Variants in DHRSX observed in about 807,000 individuals in gnomAD.
DHRSX encodes the protein polyprenol dehydrogenase.
In DHRSX, 31 loss-of-function variants were observed where a neutral mutation model predicts 34.0. That is an observed-to-expected ratio of 0.91 (90% CI 0.69 to 1.23). DHRSX has a LOEUF of 1.23. Ranked by LOEUF, DHRSX falls within the 50% of genes most tolerant of loss-of-function variation. DHRSX has a pLI of 0.00. For synonymous variants in DHRSX, 201 were observed against 183.8 expected, an observed-to-expected ratio of 1.09 and a Z score of -0.76; for missense variants, 414 against 428.1, an observed-to-expected ratio of 0.97 and a Z score of 0.29.
chrX:2,236,345 G>A (rs763536639), intron 6 of DHRSX, among the ~76,000 whole-genome samples: 33 of 152,296 alleles, frequency 2.2e-4, no homozygotes, highest in African/African-American at 7.2e-4. Flanking sequence ...AAGGGCGTGC[G>A]TGGAGGAGGA....
chrX:2,469,374 G>T (rs1280649427), intron 1 of DHRSX, among the ~76,000 whole-genome samples: 2 of 149,760 alleles, frequency 1.3e-5, no homozygotes, highest in Admixed American at 6.7e-5. Context: ...CCAAGGGACC[G>T]CCGCCATGTA....
rs2015500183 is a variant in DHRSX at position 2,220,680 on chromosome X, C to A, written c.*361G>T. ...ATCCACCACTAGGTCTCAGAGAGGACATTGCAGCCCCTGAAAAGAGAGCAT... is the reference window on the plus strand; with the variant it reads ...ATCCACCACTAGGTCTCAGAGAGGAAATTGCAGCCCCTGAAAAGAGAGCAT... On this transcript the variant is annotated 3_prime_UTR_variant, in exon 7 of 7. Transcript: ENST00000334651. 4 of 230,272 alleles carry A rather than the reference C, an allele frequency of 1.7e-5. No individual in the cohort carries two copies. Among genetic ancestry groups the A allele is most frequent in the African/African-American group, 8.9e-5 (4 of 44,776 alleles). The allele number at this position is 230,272 out of a possible 1,614,324, so 14.3% of individuals were successfully genotyped here. A position where few individuals can be genotyped will look rare whatever the true frequency, so the allele number is the denominator to read the frequency against.
intron 3 of DHRSX, among the ~76,000 whole-genome samples, chrX:2,310,681 CAGAG>C (rs1188124940): frequency 4.0e-5 from 6 of 150,788 alleles, no homozygotes; most frequent in African/African-American, 1.5e-4. Context: ...AAGAGAGAGA[CAGAG>C]GGAGGAAAGA....
Position 2,302,001 on chromosome X carries a change from G to A in DHRSX, c.287-10398C>T, listed in dbSNP as rs751858720. ...GTCCCGGGTCCCCAGAACAGAGGTG[G>A]ACATGGCTCCGATATCACAAGAACT... On this transcript the variant is annotated intron_variant, in intron 3 of 6. Coordinates refer to ENST00000334651, the MANE Select transcript of DHRSX (RefSeq NM_145177.3). 1.4e-4 allele frequency among the ~76,000 whole-genome samples: 22 copies of A among 152,206 alleles called. No homozygotes were observed. In the South Asian group the frequency reaches 4.4e-3, roughly 30 times the overall value.
intron 2 of DHRSX, among the ~76,000 whole-genome samples, chrX:2,412,359 C>G (rs2043641846): frequency 6.6e-6 from 1 of 152,196 alleles, no homozygotes; most frequent in Non-Finnish European, 1.5e-5. Flanking sequence ...GCTGGGATGA[C>G]AGACATGAGC....
intron 5 of DHRSX, among the ~76,000 whole-genome samples, chrX:2,258,319 A>G (rs914924267): frequency 2.0e-5 from 3 of 152,088 alleles, no homozygotes; most frequent in African/African-American, 7.2e-5. Flanking sequence ...TGGCGTCTAC[A>G]AGTCCAGCAG....
At chrX:2,256,015 CTTT>C (rs768032121) in intron 5 of DHRSX, among the ~76,000 whole-genome samples, 5 of 139,950 alleles carry the variant, frequency 3.6e-5, no homozygotes, top group Admixed American at 7.2e-5. Flanking sequence ...ATGTGTCCCT[CTTT>C]TTTTTTTTTT....
intron 6 of DHRSX, among the ~76,000 whole-genome samples, chrX:2,236,495 G>T (rs753362185): frequency 6.6e-6 from 1 of 152,172 alleles, no homozygotes; most frequent in East Asian, 1.9e-4. Flanking sequence ...GCAGTGGCGC[G>T]ATCTCGGCTC....
intron 1 of DHRSX, among the ~76,000 whole-genome samples, chrX:2,482,523 C>T (rs1300070035): frequency 1.3e-5 from 2 of 152,162 alleles, no homozygotes; most frequent in Non-Finnish European, 2.9e-5. Context: ...CCTCAGCCTC[C>T]CAAAGTGCTG....
At chrX:2,252,596 A>G (rs755406682) in intron 5 of DHRSX, among the ~76,000 whole-genome samples, 11 of 152,310 alleles carry the variant, frequency 7.2e-5, no homozygotes, top group Non-Finnish European at 5.9e-5. Context: ...AGATTTTTCC[A>G]GAGTAAATGG....
intron 3 of DHRSX, among the ~76,000 whole-genome samples, chrX:2,377,348 C>CG (rs1050668200): frequency 1.3e-5 from 2 of 151,580 alleles, no homozygotes; most frequent in African/African-American, 4.8e-5. Flanking sequence ...TGGTCCCATC[C>CG]GGGGGGTGAT....
intron 3 of DHRSX, among the ~76,000 whole-genome samples, chrX:2,349,808 G>A (rs113538333): frequency 0.58 from 87,364 of 150,936 alleles, 26,377 homozygotes; most frequent in African/African-American, 0.76. Flanking sequence ...TTGGGAGGCC[G>A]AGGCGGGCGG....
chrX:2,252,618 C>T (rs186873709), intron 5 of DHRSX, among the ~76,000 whole-genome samples: 1 of 152,208 alleles, frequency 6.6e-6, no homozygotes, highest in Non-Finnish European at 1.5e-5. Context: ...GGGGTTGGTT[C>T]TGTAATTATG....
Position 2,471,194 on chromosome X carries a change from T to TCTTC in DHRSX, c.109+29622_109+29623insGAAG, listed in dbSNP as rs1196710343. On this transcript the variant is annotated intron_variant, in intron 1 of 6. Coordinates refer to ENST00000334651, the MANE Select transcript of DHRSX (RefSeq NM_145177.3). Reference sequence around the variant, plus strand: ...CTGTGACATATTTAACAGTGTTTCCTCTTAATTCAACACCCTTTATATGAC... The same window carrying TCTTC: ...CTGTGACATATTTAACAGTGTTTCCTCTTCCTTAATTCAACACCCTTTATATGAC... Among the ~76,000 whole-genome samples, 4 of 152,302 alleles carry TCTTC rather than the reference T, an allele frequency of 2.6e-5. No individual in the cohort carries two copies. The East Asian group carries it at 7.7e-4, about 29-fold the overall frequency.
chrX:2,258,795 G>C (rs2041315523), intron 5 of DHRSX, among the ~76,000 whole-genome samples: 1 of 152,230 alleles, frequency 6.6e-6, no homozygotes, highest in Non-Finnish European at 1.5e-5. Flanking sequence ...ACAGTTTCCA[G>C]AAAGCTCAGA....
At chrX:2,455,086 T>G (rs921915602) in intron 1 of DHRSX, among the ~76,000 whole-genome samples, 45 of 144,616 alleles carry the variant, frequency 3.1e-4, no homozygotes, top group African/African-American at 1.0e-3. Flanking sequence ...AACTCCAGCC[T>G]GGGCAACAAG....
At chrX:2,224,772 ACT>A (rs1193921575) in intron 6 of DHRSX, among the ~76,000 whole-genome samples, 3 of 151,928 alleles carry the variant, frequency 2.0e-5, no homozygotes, top group Non-Finnish European at 2.9e-5. Flanking sequence ...GCATACTCAC[ACT>A]CATTCACATG....
intron 3 of DHRSX, among the ~76,000 whole-genome samples, chrX:2,354,802 A>G (rs968750073): frequency 4.6e-5 from 7 of 152,222 alleles, no homozygotes; most frequent in Admixed American, 1.3e-4. Flanking sequence ...GAACGGATAA[A>G]ACAAAGCCCT....
At chrX:2,351,097 G>A (rs1334479024) in intron 3 of DHRSX, among the ~76,000 whole-genome samples, 1 of 152,106 alleles carries the variant, frequency 6.6e-6, no homozygotes, top group Non-Finnish European at 1.5e-5. Flanking sequence ...GGGGGCAAGG[G>A]GAGGGAGGGC....
Sources: gnomAD v4.1 joint callset for allele counts (sites outside exome capture counted in the v4.1 genomes callset) on GRCh38, gnomAD v4.1.1 for gene constraint, MANE v1.5 for transcripts, NCBI Gene and HGNC (gene_info 2026-07-23, HGNC 2026-07-21) for gene names.